Variants in EBF3 observed in about 807,000 individuals in gnomAD.
EBF3 encodes transcription factor COE3.
Under a neutral mutation model 77.1 loss-of-function variants are expected in EBF3, and 18 were observed. That is an observed-to-expected ratio of 0.23 (90% CI 0.16 to 0.35). EBF3 has a LOEUF of 0.35. Ranked by LOEUF, EBF3 falls within the 10% of genes least tolerant of loss-of-function variation. The pLI is 1.00. For missense variants in EBF3, 558 were observed against 860.0 expected, an observed-to-expected ratio of 0.65 and a Z score of 4.39; for synonymous variants, 350 against 343.5, an observed-to-expected ratio of 1.02 and a Z score of -0.21.
intron 6 of EBF3, among the ~76,000 whole-genome samples, chr10:129,911,958 G>A (rs567294164): frequency 9.2e-4 from 140 of 152,258 alleles, no homozygotes; most frequent in African/African-American, 2.5e-3. Context: ...GCAACGCACG[G>A]CCCAGCAAGA....
intron 6 of EBF3, among the ~76,000 whole-genome samples, chr10:129,912,628 T>C (rs568264137): frequency 5.9e-5 from 9 of 152,320 alleles, no homozygotes; most frequent in Middle Eastern, 3.4e-3. Flanking sequence ...AAGAATATAT[T>C]TTTTCCCTGT....
In EBF3 at chr10:129,861,895, G is replaced by A. The variant is rs1265712709; in HGVS notation, c.1039+5246C>T. Among the ~76,000 whole-genome samples, 1 of 152,210 alleles carries A rather than the reference G, an allele frequency of 6.6e-6. No individual in the cohort carries two copies. The highest frequency in any genetic ancestry group is 1.5e-5 in the Non-Finnish European group (1 of 68,042). On this transcript the variant is annotated intron_variant, in intron 10 of 16. Coordinates refer to ENST00000440978, the MANE Select transcript of EBF3 (RefSeq NM_001375380.1). This position sits in a 1 kb window ranked among gnomAD's most constrained non-coding sequence, Gnocchi z 4.3. ...AATTTGTTTGAGGAGCACCGGCCTG[G>A]GAGACAGCAAGCTGGGGCTGGCGTG...
chr10:129,958,434 GCTAT>G (rs1400307190), intron 5 of EBF3, among the ~76,000 whole-genome samples: 2 of 152,220 alleles, frequency 1.3e-5, no homozygotes, highest in Non-Finnish European at 2.9e-5. Flanking sequence ...TAACGGGCAC[GCTAT>G]CTAACAACGA....
At chr10:129,903,958 C>T (rs530337325) in intron 6 of EBF3, among the ~76,000 whole-genome samples, 7 of 152,290 alleles carry the variant, frequency 4.6e-5, no homozygotes, top group Admixed American at 2.0e-4. Context: ...ACCCTATACA[C>T]GATTCCAAAG....
intron 6 of EBF3, among the ~76,000 whole-genome samples, chr10:129,882,845 G>C (rs184619741): frequency 1.8e-4 from 27 of 152,260 alleles, no homozygotes; most frequent in Non-Finnish European, 4.4e-5. Context: ...AGCAAGTGTT[G>C]GGTAATTAAT....
chr10:129,870,263 T>G lies in EBF3; in HGVS notation c.782-2351A>C, dbSNP rs555821140. ...GGGAACATGTGTTCAATGGGAACCA[T>G]AGCAAAATGAATTACACAGACAGCG... On this transcript the variant is annotated intron_variant, in intron 8 of 16. Coordinates refer to ENST00000440978, the MANE Select transcript of EBF3 (RefSeq NM_001375380.1). This position sits in a 1 kb window ranked among gnomAD's most constrained non-coding sequence, Gnocchi z 4.4. Among the ~76,000 whole-genome samples the G allele has an allele frequency of 6.6e-6, 1 of 152,024 alleles. No homozygotes were observed. Among genetic ancestry groups the G allele is most frequent in the Non-Finnish European group, 1.5e-5 (1 of 68,018 alleles).
rs370705877 is a variant in EBF3, at chr10:129,958,892, C to G, written c.485+42G>C. Reference sequence around the variant, plus strand: ...CGTCCTTTGTAGACGCAGCTGGCGCCGAGGCAGCCCGCGCCCCCGCCGCCC... The same window carrying G: ...CGTCCTTTGTAGACGCAGCTGGCGCGGAGGCAGCCCGCGCCCCCGCCGCCC... On this transcript the variant is annotated intron_variant, in intron 5 of 16. Transcript: ENST00000440978. 2,975 of 1,574,284 alleles carry G rather than the reference C, an allele frequency of 1.9e-3. 11 individuals carry two copies. Among genetic ancestry groups the G allele is most frequent in the Non-Finnish European group, 2.3e-3 (2,649 of 1,163,278 alleles).
At chr10:129,865,318 G>T (rs1393110394) in intron 10 of EBF3, among the ~76,000 whole-genome samples, 3 of 152,154 alleles carry the variant, frequency 2.0e-5, no homozygotes, top group African/African-American at 7.2e-5. Context: ...TGTTTAAAAG[G>T]TTCCCCAATT....
chr10:129,954,033 A>C (rs1050606930), intron 6 of EBF3, among the ~76,000 whole-genome samples: 1 of 152,250 alleles, frequency 6.6e-6, no homozygotes, highest in Non-Finnish European at 1.5e-5. Context: ...TTATTCCACG[A>C]GGAAAATGAT....
intron 6 of EBF3, among the ~76,000 whole-genome samples, chr10:129,921,344 TC>T (rs536949617): frequency 3.3e-5 from 5 of 151,774 alleles, no homozygotes; most frequent in Non-Finnish European, 7.4e-5. Context: ...GAATAAACCC[TC>T]CCCGCATTGG....
chr10:129,917,670 A>AAAAAAAAAC (rs1564887103), intron 6 of EBF3, among the ~76,000 whole-genome samples: 12 of 150,018 alleles, frequency 8.0e-5, no homozygotes, highest in African/African-American at 2.7e-4. Context: ...AAAAAAAAAA[A>AAAAAAAAAC]AAAAAAAAAC....
At chr10:129,860,880 A>G (rs1393083360) in intron 10 of EBF3, among the ~76,000 whole-genome samples, 1 of 152,236 alleles carries the variant, frequency 6.6e-6, no homozygotes, top group African/African-American at 2.4e-5. Flanking sequence ...CAGATGATGA[A>G]TGGAACTCTC....
Position 129,863,941 on chromosome 10 carries a change from C to T in EBF3, c.1039+3200G>A, listed in dbSNP as rs1851815246. On this transcript the variant is annotated intron_variant, in intron 10 of 16. Transcript: ENST00000440978. This position sits in a 1 kb window ranked among gnomAD's most constrained non-coding sequence, Gnocchi z 4.0. ...CTGGGCTGTGGCAAGCATCACCAAA[C>T]ACCCACTCATGGGAGCATGTCTCGA... is the stretch of plus-strand genomic sequence containing the variant. Among the ~76,000 whole-genome samples, 1 of 152,126 alleles carries T rather than the reference C, an allele frequency of 6.6e-6. No homozygotes were observed. Among genetic ancestry groups the T allele is most frequent in the Non-Finnish European group, 1.5e-5 (1 of 68,020 alleles).
Position 129,963,273 on chromosome 10 carries a change from G to A in EBF3, c.291+94C>T. ...GGGGTGGCCTGGCGGAGCCGAGCCC[G>A]CCGCCTAGGGGGGCACTCGAACCCC... is the stretch of plus-strand genomic sequence containing the variant. On this transcript the variant is annotated intron_variant, in intron 2 of 16. Coordinates refer to ENST00000440978, the MANE Select transcript of EBF3 (RefSeq NM_001375380.1). This position sits in a 1 kb window ranked among gnomAD's most constrained non-coding sequence, Gnocchi z 7.1. 6.7e-7 allele frequency: 1 copy of A among 1,493,668 alleles called. No individual in the cohort carries two copies. The highest frequency in any genetic ancestry group is 2.5e-5 in the Admixed American group (1 of 39,836). The allele number at this position is 1,493,668 out of a possible 1,614,324, so 92.5% of individuals were successfully genotyped here. A position where few individuals can be genotyped will look rare whatever the true frequency, so the allele number is the denominator to read the frequency against.
chr10:129,899,850 A>G (rs978422021), intron 6 of EBF3, among the ~76,000 whole-genome samples: 3 of 152,194 alleles, frequency 2.0e-5, no homozygotes, highest in Admixed American at 1.3e-4. Flanking sequence ...CTGAGCTGTC[A>G]TTAGTTAAAT....
intron 6 of EBF3, among the ~76,000 whole-genome samples, chr10:129,908,085 A>C (rs1375379466): frequency 6.6e-6 from 1 of 152,168 alleles, no homozygotes; most frequent in Non-Finnish European, 1.5e-5. Context: ...GAAAAGCATA[A>C]ATATTTTTTA....
intron 6 of EBF3, among the ~76,000 whole-genome samples, chr10:129,942,592 G>T (rs1187194085): frequency 6.6e-6 from 1 of 152,124 alleles, no homozygotes; most frequent in Non-Finnish European, 1.5e-5. Context: ...CGGGCCCCGG[G>T]GCACTGGGGA....
At chr10:129,886,935 G>C (rs1049481647) in intron 6 of EBF3, among the ~76,000 whole-genome samples, 7 of 152,006 alleles carry the variant, frequency 4.6e-5, no homozygotes, top group African/African-American at 1.4e-4. Context: ...CCCTGGTCAA[G>C]AAGGGGTTTT....
Position 129,963,962 on chromosome 10 carries a change from G to A in EBF3, c.-194C>T, listed in dbSNP as rs1257898374. 47 of 1,029,928 alleles carry A rather than the reference G, an allele frequency of 4.6e-5. No homozygotes were observed. The highest frequency in any genetic ancestry group is 5.3e-5 in the Non-Finnish European group (46 of 861,102). 63.8% of individuals were successfully genotyped at this position (1,029,928 alleles called of 1,614,324 possible). On this transcript the variant is annotated 5_prime_UTR_variant, in exon 1 of 17. Transcript: ENST00000440978. This position sits in a 1 kb window ranked among gnomAD's most constrained non-coding sequence, Gnocchi z 7.1. ...AGCGGCCGGGCGCTCCGGACGGCCA[G>A]GGGCGCGGAGGCGGCTCCACCGGCG...
Sources: allele counts gnomAD v4.1 joint callset (sites outside exome capture counted in the v4.1 genomes callset), GRCh38; gene constraint gnomAD v4.1.1; non-coding constraint Gnocchi (gnomAD v3.1); transcripts MANE v1.5; gene names NCBI Gene and HGNC (gene_info 2026-07-23, HGNC 2026-07-21).